SNX1: variants seen among roughly 807,000 people sequenced by gnomAD.
SNX1 encodes sorting nexin-1.
SNX1 carries 36 observed loss-of-function variants against 71.8 expected under a neutral mutation model. That is an observed-to-expected ratio of 0.50 (90% CI 0.38 to 0.66). SNX1 has a LOEUF of 0.66. Among genes scored for constraint, SNX1 ranks in the 30% least tolerant of loss-of-function variants. The pLI is 0.00. For missense variants in SNX1, 612 were observed against 646.7 expected (o/e 0.95, Z 0.58); for synonymous variants, 254 against 240.7 (o/e 1.06, Z -0.51).
chr15:64,129,836 C>A lies in SNX1; in HGVS notation c.808-80C>A. 2.0e-6 allele frequency: 2 copies of A among 1,008,928 alleles called. No homozygotes were observed. The highest frequency in any genetic ancestry group is 3.1e-6 in the Non-Finnish European group (2 of 636,404). 62.5% of individuals were successfully genotyped at this position (1,008,928 alleles called of 1,614,324 possible). A position where few individuals can be genotyped will look rare whatever the true frequency, so the allele number is the denominator to read the frequency against. On this transcript the variant is annotated intron_variant, in intron 8 of 14. Coordinates refer to ENST00000559844, the MANE Select transcript of SNX1 (RefSeq NM_003099.5). This position sits in a 1 kb window ranked among gnomAD's most constrained non-coding sequence, Gnocchi z 4.4. ...ATTTGTCTGGCAAGTTTTGGCATGCCATCTGATGGATACTAATTCTTCTGA... is the reference window on the plus strand; with the variant it reads ...ATTTGTCTGGCAAGTTTTGGCATGCAATCTGATGGATACTAATTCTTCTGA...
intron 2 of SNX1, among the ~76,000 whole-genome samples, chr15:64,117,087 G>A (rs1335100550): frequency 6.6e-6 from 1 of 152,160 alleles, no homozygotes; most frequent in African/African-American, 2.4e-5. Flanking sequence ...CATCAGGTGT[G>A]GAAAAGTGCC....
intron 1 of SNX1, among the ~76,000 whole-genome samples, chr15:64,101,297 C>T (rs1040758643): frequency 2.0e-5 from 3 of 152,178 alleles, no homozygotes; most frequent in African/African-American, 4.8e-5. Context: ...GGTAATCAAT[C>T]ACCATTCTAA....
chr15:64,119,821 A>G (rs1414819466), intron 4 of SNX1, among the ~76,000 whole-genome samples: 1 of 152,188 alleles, frequency 6.6e-6, no homozygotes, highest in East Asian at 1.9e-4. Flanking sequence ...AGTAAATCCA[A>G]TGTAAGCACC....
At chr15:64,122,203 T>G (rs566644836) in intron 4 of SNX1, among the ~76,000 whole-genome samples, 4 of 152,364 alleles carry the variant, frequency 2.6e-5, no homozygotes, top group Non-Finnish European at 5.9e-5. Context: ...CTTGGACATT[T>G]GACCATAACT....
chr15:64,134,931 T>C lies in SNX1; in HGVS notation c.1365+124T>C. The C allele has an allele frequency of 7.7e-7, 1 of 1,301,134 alleles. No homozygotes were observed. Among genetic ancestry groups the C allele is most frequent in the African/African-American group, 1.5e-5 (1 of 67,512 alleles). The allele number at this position is 1,301,134 out of a possible 1,614,324, so 80.6% of individuals were successfully genotyped here. A position where few individuals can be genotyped will look rare whatever the true frequency, so the allele number is the denominator to read the frequency against. ...AGCGCTGATTGAGTCTAAAGGGCCG[T>C]GGCTGCTGAGGAAGCCTCTGAGAAT... On this transcript the variant is annotated intron_variant, in intron 12 of 14. Coordinates refer to ENST00000559844, the MANE Select transcript of SNX1 (RefSeq NM_003099.5). The surrounding 1 kb of genome is among the most constrained non-coding windows in gnomAD (Gnocchi z 4.1).
In SNX1 at chr15:64,112,643, T is replaced by C; in HGVS notation, c.230T>C (p.Ile77Thr). 1 of 1,613,384 alleles carries C rather than the reference T, an allele frequency of 6.2e-7. No homozygotes were observed. The highest frequency in any genetic ancestry group is 1.1e-5 in the South Asian group (1 of 90,980). ...PINNGSKENGIHEEQDQEPQD... is the reference protein window; with the variant it reads ...PINNGSKENGTHEEQDQEPQD... ...AACAATGGCTCCAAAGAAAATGGGA[T>C]CCATGAAGAACAAGACCAAGAGCCA... The change falls in exon 2 of 15, where the codon ATC becomes ACC. Residue 77 changes from isoleucine (I) to threonine (T), a missense_variant. Ile to Thr is a moderately conservative substitution (Grantham distance 89, BLOSUM62 -1). Transcript: ENST00000559844.
intron 11 of SNX1, among the ~76,000 whole-genome samples, chr15:64,132,803 G>C (rs553226932): frequency 6.6e-6 from 1 of 152,352 alleles, no homozygotes; most frequent in Non-Finnish European, 1.5e-5. Context: ...CCCCGTGGTG[G>C]AGATGCCTCA....
rs537382262 is a variant in SNX1, at chr15:64,109,902, A to G, written c.160-2671A>G. On this transcript the variant is annotated intron_variant, in intron 1 of 14. Coordinates refer to ENST00000559844, the MANE Select transcript of SNX1 (RefSeq NM_003099.5). ...CGCACTCTTACACACTTCTGGGGGA[A>G]TGTAAATTGTTGGTCTTCCTGGAAG... Among the ~76,000 whole-genome samples, 25 of 152,294 alleles carry G rather than the reference A, an allele frequency of 1.6e-4. No individual in the cohort carries two copies. The South Asian group carries it at 5.2e-3, about 32-fold the overall frequency.
intron 12 of SNX1, among the ~76,000 whole-genome samples, chr15:64,135,748 ACT>A (rs2081352626): frequency 9.4e-6 from 1 of 106,404 alleles, no homozygotes; most frequent in African/African-American, 3.4e-5. Flanking sequence ...ACAGAGCAAG[ACT>A]CTGTCTCAAA....
rs11448636 is a variant in SNX1 at position 64,098,689 on chromosome 15, C to CAA, written c.159+2535_159+2536dup. 8.5e-3 allele frequency among the ~76,000 whole-genome samples: 853 copies of CAA among 100,150 alleles called. 13 individuals carry two copies. The highest frequency in any genetic ancestry group is 0.026 in the African/African-American group (694 of 26,954). The allele number at this position is 100,150 out of a possible 152,430, so 65.7% of individuals were successfully genotyped here. A position where few individuals can be genotyped will look rare whatever the true frequency, so the allele number is the denominator to read the frequency against. ...TAGGTGACACAGCAAGACTCTCTCT[C>CAA]AAAAAAAAAAAAAAAAAAAGTAGAA... On this transcript the variant is annotated intron_variant, in intron 1 of 14. Transcript: ENST00000559844.
intron 1 of SNX1, 137 bp from the exon 2 acceptor site, chr15:64,112,436 T>C (rs1354655646): frequency 3.4e-6 from 2 of 588,172 alleles, no homozygotes; most frequent in South Asian, 4.5e-5. Flanking sequence ...GCAGCACTTA[T>C]TTTACTAATA....
At chr15:64,102,761 C>CTTT (rs60616312) in intron 1 of SNX1, among the ~76,000 whole-genome samples, 786 of 76,394 alleles carry the variant, frequency 0.01, 30 homozygotes, top group African/African-American at 0.016. Context: ...ACCACGCCTT[C>CTTT]TTTTTTTTTT....
intron 1 of SNX1, among the ~76,000 whole-genome samples, chr15:64,102,287 A>G (rs1328297500): frequency 6.6e-6 from 1 of 152,196 alleles, no homozygotes; most frequent in Non-Finnish European, 1.5e-5. Context: ...ATAGTTGTAC[A>G]TATTTTTAGG....
intron 4 of SNX1, 126 bp downstream of exon 4, chr15:64,118,980 C>T: frequency 1.5e-6 from 1 of 657,728 alleles, no homozygotes; most frequent in Middle Eastern, 2.5e-4. Flanking sequence ...AGTATCTTTT[C>T]TGTAAAAGTA....
Position 64,137,898 on chromosome 15 carries a change from A to G in SNX1, c.*280A>G. 1 of 1,405,688 alleles carries G rather than the reference A, an allele frequency of 7.1e-7. No individual in the cohort carries two copies. The highest frequency in any genetic ancestry group is 9.2e-7 in the Non-Finnish European group (1 of 1,085,642). 87.1% of individuals were successfully genotyped at this position (1,405,688 alleles called of 1,614,324 possible). On this transcript the variant is annotated 3_prime_UTR_variant, in exon 15 of 15. Transcript: ENST00000559844. ...GTGGAGTATTGATATAAATATATAA[A>G]TACAAATGTATATTTTTCAGGATGT...
rs765557280 is a variant in SNX1 at position 64,128,173 on chromosome 15, T to TC, written c.807+367_807+368insC. ...TACCACAAACCACAGAACTACCATG[T>TC]AGGAAAAGTGTTGATTGAAGTAGAC... On this transcript the variant is annotated intron_variant, in intron 8 of 14. Coordinates refer to ENST00000559844, the MANE Select transcript of SNX1 (RefSeq NM_003099.5). Among the ~76,000 whole-genome samples the TC allele has an allele frequency of 1.7e-4, 26 of 152,302 alleles. 1 individual carries two copies. In the East Asian group the frequency reaches 4.1e-3, roughly 24 times the overall value.
At chr15:64,106,408 C>A (rs1443851745) in intron 1 of SNX1, among the ~76,000 whole-genome samples, 3 of 152,292 alleles carry the variant, frequency 2.0e-5, no homozygotes, top group South Asian at 4.1e-4. Flanking sequence ...TCCATTCTCC[C>A]AAGCACAAAT....
chr15:64,097,747 G>A (rs1476775084), intron 1 of SNX1, among the ~76,000 whole-genome samples: 1 of 152,176 alleles, frequency 6.6e-6, no homozygotes, highest in Non-Finnish European at 1.5e-5. Context: ...ATTCAATGCT[G>A]GGTCTGTGAA....
intron 5 of SNX1, among the ~76,000 whole-genome samples, chr15:64,124,755 C>T (rs1198392856): frequency 2.6e-5 from 4 of 152,074 alleles, no homozygotes; most frequent in African/African-American, 4.8e-5. Flanking sequence ...GAGTAATTCC[C>T]GTGGGTCATA....
Sources: gnomAD v4.1 joint callset for allele counts (sites outside exome capture counted in the v4.1 genomes callset) on GRCh38, gnomAD v4.1.1 for gene constraint, Gnocchi (gnomAD v3.1) non-coding constraint, MANE v1.5 for transcripts, NCBI Gene and HGNC (gene_info 2026-07-23, HGNC 2026-07-21) for gene names.